Variants in SFMBT1 observed in about 807,000 individuals in gnomAD.
SFMBT1 encodes the protein scm-like with four MBT domains protein 1.
Under a neutral mutation model 108.7 loss-of-function variants are expected in SFMBT1, and 32 were observed. That is an observed-to-expected ratio of 0.29 (90% CI 0.22 to 0.40). SFMBT1 has a LOEUF of 0.40. SFMBT1 is among the 10% of genes least tolerant of loss of function. The pLI, the probability that SFMBT1 is intolerant of heterozygous loss-of-function variation, is 1.00. For synonymous variants in SFMBT1, 348 were observed against 369.5 expected (o/e 0.94, Z 0.67); for missense variants, 816 against 1,059.6 (o/e 0.77, Z 3.19).
intron 6 of SFMBT1, among the ~76,000 whole-genome samples, chr3:52,931,784 G>C (rs1702866360): frequency 6.6e-6 from 1 of 152,126 alleles, no homozygotes; most frequent in Non-Finnish European, 1.5e-5. Context: ...AGGTTGCAGT[G>C]AGCTGAGATC....
intron 3 of SFMBT1, among the ~76,000 whole-genome samples, chr3:52,953,204 G>A (rs573946857): frequency 3.9e-4 from 59 of 152,328 alleles, no homozygotes; most frequent in East Asian, 5.8e-4. Context: ...AGTAGCTCAC[G>A]CCTGTAATCC....
At chr3:52,986,532 G>A (rs566879095) in intron 1 of SFMBT1, among the ~76,000 whole-genome samples, 3 of 151,874 alleles carry the variant, frequency 2.0e-5, no homozygotes, top group East Asian at 1.9e-4. Flanking sequence ...TTGGGAAGCC[G>A]AGGTGGGCAG....
chr3:53,022,092 T>C (rs1259952057), intron 1 of SFMBT1, among the ~76,000 whole-genome samples: 1 of 152,178 alleles, frequency 6.6e-6, no homozygotes, highest in Non-Finnish European at 1.5e-5. Flanking sequence ...CCTCACTTAC[T>C]AGGTGAAACA....
intron 2 of SFMBT1, among the ~76,000 whole-genome samples, chr3:52,963,378 A>G (rs1011135497): frequency 1.3e-5 from 2 of 152,218 alleles, no homozygotes; most frequent in Non-Finnish European, 2.9e-5. Flanking sequence ...AATTTCAAAT[A>G]AACTGAAACA....
intron 9 of SFMBT1, among the ~76,000 whole-genome samples, chr3:52,926,902 A>G (rs1255399366): frequency 6.6e-6 from 1 of 152,126 alleles, no homozygotes; most frequent in African/African-American, 2.4e-5. Flanking sequence ...GTCCCTGCCT[A>G]CCGAAGACTG....
chr3:53,019,022 A>G (rs1189194471), intron 1 of SFMBT1: 1 of 152,008 alleles, frequency 6.6e-6, no homozygotes, highest in African/African-American at 2.4e-5. Flanking sequence ...TATTATCGAT[A>G]CTCATACCTG....
At chr3:52,999,772 G>T (rs1401028302) in intron 1 of SFMBT1, among the ~76,000 whole-genome samples, 1 of 150,072 alleles carries the variant, frequency 6.7e-6, no homozygotes, top group Non-Finnish European at 1.5e-5. Flanking sequence ...GGCACAATGA[G>T]TGCCCATTCC....
At position 52,928,334 on chromosome 3, in the gene SFMBT1, T is replaced by C. The variant is rs768980314; in HGVS notation, c.905A>G (p.Asp302Gly). ...ISPATVVKVF[D>G]EKYFLVEMDD... ...CATTTCCACCAGAAAGTACTTCTCA[T>C]CAAAAACCTATACATGCAATTAATA... Residue 302 changes from aspartate (D) to glycine (G), a missense_variant, in exon 9 of 21, where the codon GAT becomes GGT. Around this residue, in one of 5 missense-constraint regions of SFMBT1, gnomAD observed 495 missense variants for 607.4 expected, o/e 0.81. Transcript: ENST00000394752. 28 of 1,613,418 alleles carry C rather than the reference T, an allele frequency of 1.7e-5. No homozygotes were observed. The highest frequency in any genetic ancestry group is 1.8e-5 in the Non-Finnish European group (21 of 1,179,954).
intron 6 of SFMBT1, 113 bp downstream of exon 6, chr3:52,931,944 CTATTA>C (rs1702872232): frequency 2.6e-6 from 3 of 1,169,984 alleles, no homozygotes; most frequent in Non-Finnish European, 2.3e-6. Context: ...TGTAATAGCT[CTATTA>C]TGAGAACTAA....
intron 1 of SFMBT1, among the ~76,000 whole-genome samples, chr3:52,982,940 CT>C (rs1438360938): frequency 6.6e-6 from 1 of 152,058 alleles, no homozygotes; most frequent in Non-Finnish European, 1.5e-5. Flanking sequence ...CTCAGGACTG[CT>C]TTTATGACAA....
At chr3:53,037,520 GAAAT>G in intron 1 of SFMBT1, among the ~76,000 whole-genome samples, 1 of 152,280 alleles carries the variant, frequency 6.6e-6, no homozygotes, top group South Asian at 2.1e-4. Flanking sequence ...CATTAAAAGA[GAAAT>G]AAAATTAAAT....
At chr3:52,960,641 A>ATCTC (rs1247448080) in intron 2 of SFMBT1, among the ~76,000 whole-genome samples, 6 of 119,538 alleles carry the variant, frequency 5.0e-5, no homozygotes, top group Non-Finnish European at 9.4e-5. Context: ...CTATCTCTCT[A>ATCTC]TCTATCTATG....
intron 16 of SFMBT1, 38 bp from the exon 17 acceptor site, chr3:52,911,216 CTAATG>C (rs776511715): frequency 1.3e-6 from 2 of 1,541,220 alleles, no homozygotes. Context: ...ATATATTGGG[CTAATG>C]ATTACCCAGA....
Position 52,930,346 on chromosome 3 carries a change from G to C in SFMBT1, c.880C>G (p.Pro294Ala), listed in dbSNP as rs761123540. Reference protein sequence around the residue: ...VDPWSPFGISPATVVKVFDEK... With the variant: ...VDPWSPFGISAATVVKVFDEK... ...CATTTTACCTTAACAACTGTAGCAG[G>C]AGAGATCCCAAAAGGAGACCAGGGG... The change falls in exon 8 of 21, where the codon CCT (proline) becomes GCT (alanine). Residue 294 changes from proline (P) to alanine (A), a missense_variant. Coordinates refer to ENST00000394752, the MANE Select transcript of SFMBT1 (RefSeq NM_016329.4). 2 of 1,603,452 alleles carry C rather than the reference G, an allele frequency of 1.2e-6. No individual in the cohort carries two copies. Among genetic ancestry groups the C allele is most frequent in the Non-Finnish European group, 1.7e-6 (2 of 1,170,374 alleles).
intron 1 of SFMBT1, among the ~76,000 whole-genome samples, chr3:53,023,403 T>C (rs1322680093): frequency 1.3e-5 from 2 of 152,254 alleles, no homozygotes; most frequent in Non-Finnish European, 2.9e-5. Flanking sequence ...AATTCTTAGC[T>C]TTCTTATATT....
At position 52,987,356 on chromosome 3, in the gene SFMBT1, GGTTT is replaced by G. The variant is rs143343951; in HGVS notation, c.-130-18102_-130-18099del. Among the ~76,000 whole-genome samples the G allele has an allele frequency of 7.4e-3, 1,124 of 152,208 alleles. 3 individuals are homozygous for G. Among genetic ancestry groups the G allele is most frequent in the Middle Eastern group, 0.014 (4 of 294 alleles). ...ATGCTTTTATACAACTGCCAGTGCA[GGTTT>G]ATTTACACCAGTACCACAACAAACA... On this transcript the variant is annotated intron_variant, in intron 1 of 20. Transcript: ENST00000394752.
chr3:52,932,663 T>C (rs1297413836), intron 5 of SFMBT1, among the ~76,000 whole-genome samples: 2 of 152,112 alleles, frequency 1.3e-5, no homozygotes, highest in Admixed American at 6.5e-5. Flanking sequence ...GTAATCCCAG[T>C]ACTTTGGGAA....
intron 1 of SFMBT1, among the ~76,000 whole-genome samples, chr3:53,012,049 C>G (rs1256512412): frequency 1.3e-5 from 2 of 152,112 alleles, no homozygotes; most frequent in African/African-American, 2.4e-5. Context: ...ACTACATGAG[C>G]CACTTTGTAT....
chr3:53,013,420 G>C (rs1699020090), intron 1 of SFMBT1, among the ~76,000 whole-genome samples: 1 of 151,412 alleles, frequency 6.6e-6, no homozygotes, highest in Non-Finnish European at 1.5e-5. Flanking sequence ...GTTCAAAACA[G>C]ACCAGAGGTG....
Sources: gnomAD v4.1 joint callset for allele counts (sites outside exome capture counted in the v4.1 genomes callset) on GRCh38, gnomAD v4.1.1 for gene constraint, gnomAD v4.1.1 regional missense constraint, MANE v1.5 for transcripts, NCBI Gene and HGNC (gene_info 2026-07-23, HGNC 2026-07-21) for gene names.